Variants in FARP1 observed in about 807,000 individuals in gnomAD.
The protein encoded by FARP1 is FERM, ARHGEF and pleckstrin domain-containing protein 1.
FARP1 carries 52 observed loss-of-function variants against 128.8 expected under a neutral mutation model. The observed-to-expected ratio is 0.40, with a 90% CI of 0.32 to 0.51. FARP1 has a LOEUF of 0.51. Ranked by LOEUF, FARP1 falls within the 20% of genes least tolerant of loss-of-function variation. The pLI, the probability that FARP1 is intolerant of heterozygous loss-of-function variation, is 0.45. For missense variants in FARP1, 1,333 were observed against 1,367.9 expected (o/e 0.97, Z 0.40); for synonymous variants, 580 against 551.8 (o/e 1.05, Z -0.72).
chr13:98,215,510 T>C (rs1310644202), intron 2 of FARP1, among the ~76,000 whole-genome samples: 7 of 152,170 alleles, frequency 4.6e-5, no homozygotes, highest in Admixed American at 2.0e-4. Context: ...AGGCTAATAA[T>C]AAACTCGACT....
intron 1 of FARP1, among the ~76,000 whole-genome samples, chr13:98,194,407 G>A (rs1022649124): frequency 6.6e-6 from 1 of 152,182 alleles, no homozygotes; most frequent in Admixed American, 6.5e-5. Flanking sequence ...GTGAGCCACC[G>A]TACCTGGCTC....
chr13:98,376,728 T>G (rs948128332), intron 5 of FARP1, among the ~76,000 whole-genome samples: 2 of 151,388 alleles, frequency 1.3e-5, no homozygotes, highest in African/African-American at 4.9e-5. Context: ...CTAATTTACA[T>G]TCCCGCCGAT....
rs570175278 is a variant in FARP1, at chr13:98,313,376, G to A, written c.172-30386G>A. 3.3e-5 allele frequency among the ~76,000 whole-genome samples: 5 copies of A among 152,144 alleles called. No homozygotes were observed. The South Asian group carries it at 1.0e-3, about 32-fold the overall frequency. ...TGCAGGCCCAGGGAGAAGGCCGTGT[G>A]ATGATGGGGGCAGAGACTGCAGTGC... On this transcript the variant is annotated intron_variant, in intron 2 of 26. Coordinates refer to ENST00000319562, the MANE Select transcript of FARP1 (RefSeq NM_005766.4).
chr13:98,244,745 A>G lies in FARP1; in HGVS notation c.171+31332A>G, dbSNP rs182475593. The G allele has an allele frequency of 1.0e-4, 166 of 1,604,546 alleles. 1 individual carries two copies. The East Asian group carries it at 3.3e-3, about 32-fold the overall frequency. On this transcript the variant is annotated intron_variant, in intron 2 of 26. Transcript: ENST00000319562. Reference sequence around the variant, plus strand: ...GAAGTCCTGTTTCATTATTTCATTCAAAGAAATTGATTGGCAATGGCCAGA... The same window carrying G: ...GAAGTCCTGTTTCATTATTTCATTCGAAGAAATTGATTGGCAATGGCCAGA...
intron 2 of FARP1, among the ~76,000 whole-genome samples, chr13:98,271,188 G>A (rs1413099489): frequency 2.6e-5 from 4 of 152,062 alleles, no homozygotes; most frequent in Non-Finnish European, 4.4e-5. Flanking sequence ...TAGACACTAC[G>A]CTAGTTGTTG....
intron 1 of FARP1, chr13:98,177,151 C>G (rs1878135278): frequency 6.2e-7 from 1 of 1,607,238 alleles, no homozygotes; most frequent in Non-Finnish European, 8.5e-7. Flanking sequence ...GCCTGCAGCC[C>G]CTTTCCGTCC....
chr13:98,180,707 C>T (rs137961774), intron 1 of FARP1, among the ~76,000 whole-genome samples: 228 of 152,206 alleles, frequency 1.5e-3, no homozygotes, highest in Non-Finnish European at 2.8e-3. Flanking sequence ...TCTTCTGGCT[C>T]CTTTTGTGGG....
chr13:98,417,293 A>G (rs1447718662), intron 16 of FARP1, among the ~76,000 whole-genome samples: 7 of 152,028 alleles, frequency 4.6e-5, no homozygotes, highest in Non-Finnish European at 1.0e-4. Context: ...TTTGGAAGTT[A>G]TCCACAAGAA....
At chr13:98,362,624 C>T (rs1888918912) in intron 3 of FARP1, among the ~76,000 whole-genome samples, 2 of 152,228 alleles carry the variant, frequency 1.3e-5, no homozygotes, top group Admixed American at 1.3e-4. Flanking sequence ...GTCTTATCCT[C>T]CATGGAGTCA....
intron 11 of FARP1, 105 bp downstream of exon 11, chr13:98,390,985 TC>T: frequency 1.3e-6 from 1 of 781,982 alleles, no homozygotes; most frequent in Non-Finnish European, 2.2e-6. Flanking sequence ...AGACTTGATG[TC>T]CCTTGAGTTG....
intron 2 of FARP1, among the ~76,000 whole-genome samples, chr13:98,255,271 G>A (rs1268346720): frequency 1.3e-5 from 2 of 152,056 alleles, no homozygotes. Context: ...AGGTGGAGGC[G>A]GGCGGATCAC....
intron 14 of FARP1, among the ~76,000 whole-genome samples, chr13:98,410,380 G>A (rs1431427559): frequency 6.6e-6 from 1 of 152,212 alleles, no homozygotes; most frequent in African/African-American, 2.4e-5. Context: ...CATAGGACGA[G>A]ACAGTTCCTT....
intron 2 of FARP1, among the ~76,000 whole-genome samples, chr13:98,273,431 A>C (rs1244168421): frequency 6.6e-6 from 1 of 152,202 alleles, no homozygotes; most frequent in East Asian, 1.9e-4. Context: ...CCTAAACTCC[A>C]AAAGGGAGGG....
intron 2 of FARP1, among the ~76,000 whole-genome samples, chr13:98,278,310 GTA>G (rs1884766990): frequency 6.7e-6 from 1 of 150,210 alleles, no homozygotes; most frequent in South Asian, 2.1e-4. Flanking sequence ...GTGTGTGAGA[GTA>G]TACTGCAAGT....
intron 2 of FARP1, among the ~76,000 whole-genome samples, chr13:98,299,546 C>T (rs138858627): frequency 7.2e-4 from 109 of 152,258 alleles, no homozygotes; most frequent in African/African-American, 2.5e-3. Context: ...AGTTATGCTC[C>T]TGGGTGGCAA....
At chr13:98,322,684 G>A (rs1239154285) in intron 2 of FARP1, among the ~76,000 whole-genome samples, 2 of 152,192 alleles carry the variant, frequency 1.3e-5, no homozygotes, top group Non-Finnish European at 2.9e-5. Flanking sequence ...AGTAGAGGCT[G>A]TTCCCCGGGA....
rs575623533 is a variant in FARP1 at position 98,380,889 on chromosome 13, A to T, written c.496+2971A>T. ...CCACCATGCCTGACCAATATGTATAATTTTTATTTTGTCAATTAAAAAAGT... is the reference window on the plus strand; with the variant it reads ...CCACCATGCCTGACCAATATGTATATTTTTTATTTTGTCAATTAAAAAAGT... On this transcript the variant is annotated intron_variant, in intron 6 of 26. Coordinates refer to ENST00000319562, the MANE Select transcript of FARP1 (RefSeq NM_005766.4). Among the ~76,000 whole-genome samples, 4 of 152,234 alleles carry T rather than the reference A, an allele frequency of 2.6e-5. No individual in the cohort carries two copies. In the East Asian group the frequency reaches 7.7e-4, roughly 29 times the overall value.
chr13:98,272,402 T>C lies in FARP1; in HGVS notation c.171+58989T>C, dbSNP rs74857753. Among the ~76,000 whole-genome samples, 461 of 152,298 alleles carry C rather than the reference T, an allele frequency of 3.0e-3. 8 individuals are homozygous for C. In the East Asian group the frequency reaches 0.052, roughly 17 times the overall value. The stretch of plus-strand genomic sequence containing the variant: ...ATGGAAAGCCCAACAGTCATTATGA[T>C]AGAGAATAATCTTCAGTAAAAGATA... On this transcript the variant is annotated intron_variant, in intron 2 of 26. Coordinates refer to ENST00000319562, the MANE Select transcript of FARP1 (RefSeq NM_005766.4).
At chr13:98,312,244 C>T (rs1055674050) in intron 2 of FARP1, among the ~76,000 whole-genome samples, 7 of 146,608 alleles carry the variant, frequency 4.8e-5, no homozygotes, top group Non-Finnish European at 9.0e-5. Context: ...GGGTTCATGC[C>T]ATTCTCCTGC....
Sources: gnomAD v4.1 joint callset for allele counts (sites outside exome capture counted in the v4.1 genomes callset) on GRCh38, gnomAD v4.1.1 for gene constraint, MANE v1.5 for transcripts, NCBI Gene and HGNC (gene_info 2026-07-23, HGNC 2026-07-21) for gene names.